DNAJC24: variants seen among roughly 807,000 people sequenced by gnomAD.
DNAJC24 encodes dnaJ homolog subfamily C member 24.
A neutral mutation model predicts 18.0 loss-of-function variants in DNAJC24; 17 were observed. The observed-to-expected ratio is 0.94, with a 90% confidence interval of 0.65 to 1.42. The LOEUF is 1.42. DNAJC24 is among the 40% of genes most tolerant of loss of function. DNAJC24 has a pLI of 0.00. For synonymous variants in DNAJC24, 55 were observed against 57.7 expected, an observed-to-expected ratio of 0.95 and a Z score of 0.21; for missense variants, 158 against 175.6, an observed-to-expected ratio of 0.90 and a Z score of 0.57.
chr11:31,432,431 C>T lies in DNAJC24; in HGVS notation c.*2030C>T, dbSNP rs774829039. The T allele has an allele frequency of 1.1e-5, 12 of 1,059,082 alleles. No individual in the cohort carries two copies. The highest frequency in any genetic ancestry group is 5.2e-5 in the Admixed American group (3 of 57,808). 65.6% of individuals were successfully genotyped at this position (1,059,082 alleles called of 1,614,324 possible). ...AGCAAATAGTTTATTGGTAAGTACA[C>T]GGTTTCAACGGGAGTAATAAATTCA... is the stretch of plus-strand genomic sequence containing the variant. On this transcript the variant is annotated 3_prime_UTR_variant, in exon 5 of 5. Transcript: ENST00000465995.
intron 2 of DNAJC24, among the ~76,000 whole-genome samples, chr11:31,391,951 G>T (rs1162446108): frequency 6.6e-6 from 1 of 152,090 alleles, no homozygotes; most frequent in Admixed American, 6.5e-5. Context: ...GCAACAACAT[G>T]CATGGAAAGA....
intron 2 of DNAJC24, among the ~76,000 whole-genome samples, chr11:31,405,374 A>ATTTTTT (rs34856586): frequency 7.4e-6 from 1 of 134,364 alleles, no homozygotes; most frequent in South Asian, 2.4e-4. Context: ...CCAGCCAGGA[A>ATTTTTT]TTTTTTTTTT....
chr11:31,392,112 G>T (rs971101975), intron 2 of DNAJC24, among the ~76,000 whole-genome samples: 1 of 152,184 alleles, frequency 6.6e-6, no homozygotes, highest in African/African-American at 2.4e-5. Flanking sequence ...GGGTAGATAG[G>T]TGGGGGAGAG....
At chr11:31,399,739 C>CTTTTTTTTTTTTTT (rs757871094) in intron 2 of DNAJC24, among the ~76,000 whole-genome samples, 3 of 97,054 alleles carry the variant, frequency 3.1e-5, no homozygotes, top group South Asian at 4.0e-4. Flanking sequence ...ACTGTTTTTT[C>CTTTTTTTTTTTTTT]TTTTTTTTTT....
intron 2 of DNAJC24, among the ~76,000 whole-genome samples, chr11:31,409,331 A>G (rs777917381): frequency 9.9e-5 from 15 of 152,204 alleles, no homozygotes; most frequent in Non-Finnish European, 1.6e-4. Flanking sequence ...TATCATGTAA[A>G]TACCACCCCA....
chr11:31,415,831 A>C (rs1249077129), intron 3 of DNAJC24: 1 of 152,214 alleles, frequency 6.6e-6, no homozygotes, highest in Non-Finnish European at 1.5e-5. Context: ...ACAATGGCAC[A>C]CCATCAGACC....
intron 2 of DNAJC24, among the ~76,000 whole-genome samples, chr11:31,410,465 C>T (rs1456834628): frequency 6.6e-6 from 1 of 152,130 alleles, no homozygotes; most frequent in Non-Finnish European, 1.5e-5. Context: ...CCAGTATTTT[C>T]TCTCAGTCTG....
intron 2 of DNAJC24, among the ~76,000 whole-genome samples, chr11:31,391,075 C>T (rs1952490901): frequency 1.3e-5 from 2 of 152,094 alleles, no homozygotes; most frequent in Admixed American, 1.3e-4. Context: ...TGTGATCCAT[C>T]TTATCAACAG....
At chr11:31,428,428 T>A (rs1445268271) in intron 4 of DNAJC24, among the ~76,000 whole-genome samples, 2 of 152,094 alleles carry the variant, frequency 1.3e-5, no homozygotes, top group Non-Finnish European at 2.9e-5. Context: ...TTGAGCTAAA[T>A]TTTTTTTCCA....
intron 2 of DNAJC24, among the ~76,000 whole-genome samples, chr11:31,406,068 G>A (rs1206078074): frequency 6.6e-6 from 1 of 152,122 alleles, no homozygotes; most frequent in Non-Finnish European, 1.5e-5. Context: ...TTTGGATTGG[G>A]CACACGTTCA....
At chr11:31,389,932 G>A (rs1435248348) in intron 2 of DNAJC24, among the ~76,000 whole-genome samples, 1 of 152,072 alleles carries the variant, frequency 6.6e-6, no homozygotes, top group East Asian at 1.9e-4. Flanking sequence ...AAGAAATTAA[G>A]AAGGAAATTG....
At chr11:31,379,784 G>T (rs568541900) in intron 2 of DNAJC24, among the ~76,000 whole-genome samples, 1 of 151,742 alleles carries the variant, frequency 6.6e-6, no homozygotes, top group African/African-American at 2.4e-5. Context: ...TTGAGACAGA[G>T]TCTCACCCTG....
chr11:31,393,056 G>T (rs541330140), intron 2 of DNAJC24, among the ~76,000 whole-genome samples: 1 of 152,274 alleles, frequency 6.6e-6, no homozygotes, highest in South Asian at 2.1e-4. Context: ...AATCTTTGTT[G>T]TTTAAGCAAC....
chr11:31,403,813 G>A (rs957444057), intron 2 of DNAJC24, among the ~76,000 whole-genome samples: 4 of 152,178 alleles, frequency 2.6e-5, no homozygotes, highest in Non-Finnish European at 4.4e-5. Flanking sequence ...CAGACCCCAA[G>A]AGAGGGTTCT....
chr11:31,404,006 C>A (rs1952629017), intron 2 of DNAJC24, among the ~76,000 whole-genome samples: 1 of 152,104 alleles, frequency 6.6e-6, no homozygotes. Flanking sequence ...TTCCTGTCTC[C>A]CCTTTTTAGA....
chr11:31,418,517 T>C (rs1400543873), intron 3 of DNAJC24, among the ~76,000 whole-genome samples: 2 of 152,140 alleles, frequency 1.3e-5, no homozygotes, highest in Non-Finnish European at 2.9e-5. Context: ...ATGAGTTAAG[T>C]ACTTCTCTGT....
At chr11:31,399,265 A>G (rs895268182) in intron 2 of DNAJC24, among the ~76,000 whole-genome samples, 1 of 152,232 alleles carries the variant, frequency 6.6e-6, no homozygotes, top group Non-Finnish European at 1.5e-5. Flanking sequence ...TAGAGTTAGT[A>G]AATCTCACAG....
At chr11:31,426,973 T>C (rs72889917) in intron 4 of DNAJC24, 8,702 of 152,254 alleles carry the variant, frequency 0.057, 357 homozygotes, top group Non-Finnish European at 0.089. Flanking sequence ...TTCTGATGGT[T>C]CCTTGAATTG....
At chr11:31,420,058 T>A (rs938101108) in intron 3 of DNAJC24, among the ~76,000 whole-genome samples, 3 of 152,038 alleles carry the variant, frequency 2.0e-5, no homozygotes, top group African/African-American at 2.4e-5. Context: ...CATTTATAAC[T>A]CTATACCCTC....
Sources: gnomAD v4.1 joint callset for allele counts (sites outside exome capture counted in the v4.1 genomes callset) on GRCh38, gnomAD v4.1.1 for gene constraint, MANE v1.5 for transcripts, NCBI Gene and HGNC (gene_info 2026-07-23, HGNC 2026-07-21) for gene names.